Variants in RAB3C observed in about 807,000 individuals in gnomAD.
RAB3C encodes the protein ras-related protein Rab-3C.
RAB3C carries 17 observed loss-of-function variants against 26.4 expected under a neutral mutation model. That is an observed-to-expected ratio of 0.64 (90% confidence interval 0.44 to 0.97). RAB3C has a LOEUF of 0.97. RAB3C is among the 50% of genes least tolerant of loss of function. The pLI is 0.00. For missense variants in RAB3C, 242 were observed against 281.9 expected, an observed-to-expected ratio of 0.86 and a Z score of 1.01; for synonymous variants, 91 against 95.9, an observed-to-expected ratio of 0.95 and a Z score of 0.30.
chr5:58,680,733 T>C (rs1205334413), intron 2 of RAB3C, among the ~76,000 whole-genome samples: 2 of 152,158 alleles, frequency 1.3e-5, no homozygotes, highest in Non-Finnish European at 2.9e-5. Flanking sequence ...AGCACATCTC[T>C]TTCTCTTCTG....
At chr5:58,826,225 T>C (rs1743473232) in intron 4 of RAB3C, among the ~76,000 whole-genome samples, 1 of 151,424 alleles carries the variant, frequency 6.6e-6, no homozygotes, top group South Asian at 2.1e-4. Context: ...AGATGAGTGA[T>C]GAGGGGAGAT....
intron 2 of RAB3C, among the ~76,000 whole-genome samples, chr5:58,640,136 C>T (rs971167649): frequency 6.6e-6 from 1 of 152,170 alleles, no homozygotes; most frequent in Non-Finnish European, 1.5e-5. Flanking sequence ...CCCAGCCTCT[C>T]TCCAACCAAC....
Position 58,735,218 on chromosome 5 carries a change from A to C in RAB3C, c.371+9098A>C, listed in dbSNP as rs372987544. On this transcript the variant is annotated intron_variant, in intron 3 of 4. Coordinates refer to ENST00000282878, the MANE Select transcript of RAB3C (RefSeq NM_138453.4). ...AAATACGAAAAGCATAGCACTAAAT[A>C]CACTGTGAAAGGGCACTTGTTTACA... 1.5e-4 allele frequency among the ~76,000 whole-genome samples: 23 copies of C among 152,178 alleles called. 1 individual carries two copies. Among genetic ancestry groups the C allele is most frequent in the East Asian group, 9.7e-4 (5 of 5,180 alleles).
chr5:58,766,504 A>T (rs1055349836), intron 3 of RAB3C, among the ~76,000 whole-genome samples: 3 of 152,256 alleles, frequency 2.0e-5, no homozygotes, highest in African/African-American at 4.8e-5. Flanking sequence ...ACAGAAGTTC[A>T]GAGACAAAGC....
chr5:58,721,757 A>G (rs753770966), intron 2 of RAB3C, among the ~76,000 whole-genome samples: 4 of 151,760 alleles, frequency 2.6e-5, no homozygotes, highest in Non-Finnish European at 5.9e-5. Context: ...TATTTGGAGA[A>G]CAAATTTTCT....
intron 3 of RAB3C, among the ~76,000 whole-genome samples, chr5:58,759,634 T>A (rs1447235020): frequency 6.6e-6 from 1 of 152,206 alleles, no homozygotes; most frequent in Non-Finnish European, 1.5e-5. Context: ...AATTACATAT[T>A]AGAAAGGAGG....
At chr5:58,717,613 CCT>C (rs1426815222) in intron 2 of RAB3C, among the ~76,000 whole-genome samples, 3 of 152,066 alleles carry the variant, frequency 2.0e-5, no homozygotes, top group Non-Finnish European at 2.9e-5. Context: ...CCCTTCTGCC[CCT>C]GTTAATATAC....
chr5:58,800,172 A>G (rs1742771858), intron 3 of RAB3C, among the ~76,000 whole-genome samples: 1 of 152,188 alleles, frequency 6.6e-6, no homozygotes, highest in South Asian at 2.1e-4. Flanking sequence ...TTGGCATTTG[A>G]GCCAGATTCT....
intron 2 of RAB3C, among the ~76,000 whole-genome samples, chr5:58,635,953 T>C (rs1003905873): frequency 1.9e-4 from 29 of 152,178 alleles, no homozygotes; most frequent in African/African-American, 6.8e-4. Context: ...AAAGAACACA[T>C]TGAAAATCAC....
rs200928384 is a variant in RAB3C, at chr5:58,612,520, G to GTATA, written c.25-5099_25-5096dup. ...TGTGTGTGTGTGTGTGTGTGTGTGTGTATATATATATATATATATATATAT... is the reference window on the plus strand; with the variant it reads ...TGTGTGTGTGTGTGTGTGTGTGTGTGTATATATATATATATATATATATATATAT... On this transcript the variant is annotated intron_variant, in intron 1 of 4. Transcript: ENST00000282878. Among the ~76,000 whole-genome samples, 50 of 79,164 alleles carry GTATA rather than the reference G, an allele frequency of 6.3e-4. 1 individual carries two copies. Among genetic ancestry groups the GTATA allele is most frequent in the South Asian group, 1.2e-3 (3 of 2,436 alleles). 51.9% of individuals were successfully genotyped at this position (79,164 alleles called of 152,430 possible).
At chr5:58,800,600 A>T (rs540828392) in intron 3 of RAB3C, among the ~76,000 whole-genome samples, 105 of 152,278 alleles carry the variant, frequency 6.9e-4, no homozygotes, top group African/African-American at 2.4e-3. Context: ...TGGCGCGCGC[A>T]TCAGGGCATC....
chr5:58,597,839 TTATA>T (rs1284720138), intron 1 of RAB3C, among the ~76,000 whole-genome samples: 1 of 63,696 alleles, frequency 1.6e-5, no homozygotes, highest in Non-Finnish European at 2.5e-5. Context: ...ATGTAATACA[TTATA>T]TATAAGTATA....
intron 1 of RAB3C, among the ~76,000 whole-genome samples, chr5:58,610,011 G>C (rs1052412513): frequency 1.3e-5 from 2 of 151,988 alleles, no homozygotes; most frequent in African/African-American, 4.8e-5. Flanking sequence ...AATTCTAATC[G>C]ATTCTGAGAG....
chr5:58,711,598 A>G (rs1354463714), intron 2 of RAB3C, among the ~76,000 whole-genome samples: 1 of 152,150 alleles, frequency 6.6e-6, no homozygotes, highest in Non-Finnish European at 1.5e-5. Context: ...TCATTTATTG[A>G]GCACCTAGTA....
chr5:58,818,416 G>A (rs1393355679), intron 3 of RAB3C, among the ~76,000 whole-genome samples: 3 of 152,156 alleles, frequency 2.0e-5, no homozygotes, highest in Non-Finnish European at 4.4e-5. Flanking sequence ...TATTTGATAA[G>A]AACCAAAATA....
At chr5:58,659,649 A>C (rs1439292487) in intron 2 of RAB3C, among the ~76,000 whole-genome samples, 1 of 152,170 alleles carries the variant, frequency 6.6e-6, no homozygotes, top group Non-Finnish European at 1.5e-5. Flanking sequence ...ACCAAGCTTC[A>C]TTTCCCCCAC....
chr5:58,677,582 A>C (rs991330263), intron 2 of RAB3C, among the ~76,000 whole-genome samples: 1 of 152,218 alleles, frequency 6.6e-6, no homozygotes, highest in African/African-American at 2.4e-5. Flanking sequence ...AGAGCCTAGC[A>C]AAATGATTGA....
At chr5:58,749,471 A>G (rs2111960046) in intron 3 of RAB3C, among the ~76,000 whole-genome samples, 1 of 152,320 alleles carries the variant, frequency 6.6e-6, no homozygotes, top group East Asian at 1.9e-4. Context: ...ATGCAATAAA[A>G]ATGTTAACAA....
chr5:58,636,194 G>T (rs1347648967), intron 2 of RAB3C, among the ~76,000 whole-genome samples: 1 of 152,160 alleles, frequency 6.6e-6, no homozygotes, highest in Non-Finnish European at 1.5e-5. Flanking sequence ...CACCTGCTCA[G>T]TTTCAAAGAG....
Sources: gnomAD v4.1 joint callset for allele counts (sites outside exome capture counted in the v4.1 genomes callset) on GRCh38, gnomAD v4.1.1 for gene constraint, MANE v1.5 for transcripts, NCBI Gene and HGNC (gene_info 2026-07-23, HGNC 2026-07-21) for gene names.